ALKBH4: variants seen among roughly 807,000 people sequenced by gnomAD.
ALKBH4 encodes alpha-ketoglutarate-dependent dioxygenase alkB homolog 4.
Under a neutral mutation model 12.1 loss-of-function variants are expected in ALKBH4, and 8 were observed. The ratio of observed to expected loss-of-function variants is 0.66; its 90% confidence interval spans 0.39 to 1.19. ALKBH4 has a LOEUF of 1.19. Among genes scored for constraint, ALKBH4 ranks in the 50% most tolerant of loss-of-function variants. The probability of loss-of-function intolerance (pLI) is 0.01; values close to 1 mark genes in which losing one functional copy is unlikely to be tolerated. For missense variants in ALKBH4, 403 were observed against 430.4 expected, an observed-to-expected ratio of 0.94 and a Z score of 0.56; for synonymous variants, 195 against 191.6, an observed-to-expected ratio of 1.02 and a Z score of -0.15.
intron 1 of ALKBH4, among the ~76,000 whole-genome samples, chr7:102,460,155 A>G (rs2133253235): frequency 6.6e-6 from 1 of 151,612 alleles, no homozygotes; most frequent in South Asian, 2.1e-4. Flanking sequence ...CTCAAAAAAA[A>G]AAAAAAAGTT....
Position 102,457,170 on chromosome 7 carries a change from C to T in ALKBH4, c.*224G>A. The T allele has an allele frequency of 3.7e-6, 2 of 541,142 alleles. No homozygotes were observed. Among genetic ancestry groups the T allele is most frequent in the Admixed American group, 3.2e-5 (1 of 30,890 alleles). 33.5% of individuals were successfully genotyped at this position (541,142 alleles called of 1,614,324 possible). A position where few individuals can be genotyped will look rare whatever the true frequency, so the allele number is the denominator to read the frequency against. Reference sequence around the variant, plus strand: ...CTCAAATGATCCCATGTCCCCAAGACTGTGACAAACTAAATAACCAAAAAA... The same window carrying T: ...CTCAAATGATCCCATGTCCCCAAGATTGTGACAAACTAAATAACCAAAAAA... On this transcript the variant is annotated 3_prime_UTR_variant, in exon 3 of 3. Coordinates refer to ENST00000292566, the MANE Select transcript of ALKBH4 (RefSeq NM_017621.4). This position sits in a 1 kb window ranked among gnomAD's most constrained non-coding sequence, Gnocchi z 5.9.
intron 2 of ALKBH4, 159 bp downstream of exon 2, chr7:102,459,445 G>A: frequency 1.2e-6 from 1 of 836,504 alleles, no homozygotes; most frequent in East Asian, 2.6e-5. Flanking sequence ...ACGTCCTGCA[G>A]CGAGTCTGGC....
rs1213668449 is a variant in ALKBH4 at position 102,459,753 on chromosome 7, T to C, written c.172A>G (p.Thr58Ala). The change falls in exon 2 of 3, where the codon ACA becomes GCA. Residue 58 changes from threonine (T) to alanine (A), a missense_variant. Transcript: ENST00000292566. The stretch of plus-strand genomic sequence containing the variant: ...CAGCCCTCAAAGTCAGACTCCTCTG[T>C]GCCCACGGCCCAGCCGGTGTCGGAG... ...YCSDTGWAVGTEESDFEGWAF... is the reference protein window; with the variant it reads ...YCSDTGWAVGAEESDFEGWAF... The C allele has an allele frequency of 1.2e-6, 2 of 1,613,378 alleles. No individual in the cohort carries two copies. The highest frequency in any genetic ancestry group is 3.3e-5 in the Admixed American group (2 of 59,734).
At chr7:102,458,837 A>C (rs1440950953) in intron 2 of ALKBH4, among the ~76,000 whole-genome samples, 1 of 152,068 alleles carries the variant, frequency 6.6e-6, no homozygotes, top group Non-Finnish European at 1.5e-5. Flanking sequence ...GAAATGTACC[A>C]ACATCCAACA....
rs1586728037 is a variant in ALKBH4 at position 102,457,733 on chromosome 7, C to CA, written c.569dup (p.Leu191AlafsTer86). ...CGGGCGCCTCCCGACACATGGACAGCACGGTGGGGGACAGGAGGTTGAGGC... is the reference window on the plus strand; with the variant it reads ...CGGGCGCCTCCCGACACATGGACAGCAACGGTGGGGGACAGGAGGTTGAGGC... On this transcript the variant is annotated frameshift_variant, in exon 3 of 3. Transcript: ENST00000292566. LOFTEE classifies it low-confidence loss of function (END_TRUNC). The surrounding 1 kb of genome is among the most constrained non-coding windows in gnomAD (Gnocchi z 5.9). 1.3e-6 allele frequency: 2 copies of CA among 1,571,918 alleles called. No homozygotes were observed. Among genetic ancestry groups the CA allele is most frequent in the Non-Finnish European group, 1.7e-6 (2 of 1,162,320 alleles).
At position 102,464,795 on chromosome 7, in the gene ALKBH4, T is replaced by A. The variant is rs1295159092; in HGVS notation, c.42A>T (p.Glu14Asp). The change falls in exon 1 of 3, where the codon GAA becomes GAT. Residue 14 changes from glutamate to aspartate, a missense_variant. By Grantham distance (45) the Glu-to-Asp change is conservative. Coordinates refer to ENST00000292566, the MANE Select transcript of ALKBH4 (RefSeq NM_017621.4). ...AAAETPEVLR[E>D]CGCKGIRTCL... The stretch of plus-strand genomic sequence containing the variant: ...AGGTCCGGATGCCCTTGCAACCGCA[T>A]TCCCGAAGGACTTCGGGGGTCTCGG... The A allele has an allele frequency of 6.4e-7, 1 of 1,566,016 alleles. No homozygotes were observed. Among genetic ancestry groups the A allele is most frequent in the Admixed American group, 1.9e-5 (1 of 53,118 alleles).
intron 1 of ALKBH4, among the ~76,000 whole-genome samples, chr7:102,463,317 C>T (rs1356446713): frequency 1.6e-5 from 2 of 126,978 alleles, no homozygotes; most frequent in Non-Finnish European, 1.6e-5. Context: ...TGGATCAAGT[C>T]ATCTCTTTTT....
chr7:102,463,899 C>T (rs1184969215), intron 1 of ALKBH4, among the ~76,000 whole-genome samples: 1 of 152,238 alleles, frequency 6.6e-6, no homozygotes, highest in East Asian at 1.9e-4. Context: ...TTCATATCTG[C>T]CCGTTCCCTT....
rs764690484 is a variant in ALKBH4 at position 102,464,851 on chromosome 7, G to T, written c.-15C>A. The T allele has an allele frequency of 1.8e-5, 27 of 1,497,128 alleles. No homozygotes were observed. Among genetic ancestry groups the T allele is most frequent in the Admixed American group, 2.5e-5 (1 of 40,642 alleles). The allele number at this position is 1,497,128 out of a possible 1,614,324, so 92.7% of individuals were successfully genotyped here. ...GCCGCCGCCATCGCGCCGTCCGCGT[G>T]GCCAGTGCGCAGGCGCGGCCGTGGG... On this transcript the variant is annotated 5_prime_UTR_variant, in exon 1 of 3. Coordinates refer to ENST00000292566, the MANE Select transcript of ALKBH4 (RefSeq NM_017621.4).
In ALKBH4 at chr7:102,457,360, C is replaced by T. The variant is rs776027560; in HGVS notation, c.*34G>A. 37 of 1,578,058 alleles carry T rather than the reference C, an allele frequency of 2.3e-5. No homozygotes were observed. The highest frequency in any genetic ancestry group is 1.8e-4 in the South Asian group (16 of 86,672). On this transcript the variant is annotated 3_prime_UTR_variant, in exon 3 of 3. Coordinates refer to ENST00000292566, the MANE Select transcript of ALKBH4 (RefSeq NM_017621.4). This position sits in a 1 kb window ranked among gnomAD's most constrained non-coding sequence, Gnocchi z 5.9. The stretch of plus-strand genomic sequence containing the variant: ...TGTTCTGTGCTCCTCATTTCAATCC[C>T]GGGATCAGTCAAGTCTGGAGCCAAG...
At chr7:102,463,381 G>T (rs1262983485) in intron 1 of ALKBH4, among the ~76,000 whole-genome samples, 1 of 134,156 alleles carries the variant, frequency 7.5e-6, no homozygotes, top group Non-Finnish European at 1.5e-5. Flanking sequence ...CTGAGCTGGA[G>T]TGCAGTGGTG....
At chr7:102,458,005 C>T (rs769302892) in intron 2 of ALKBH4, 24 bp from the exon 3 acceptor site, 4 of 1,567,966 alleles carry the variant, frequency 2.6e-6, no homozygotes, top group Non-Finnish European at 3.5e-6. Flanking sequence ...ACAAAGAGGA[C>T]ATGAGGTGTC....
chr7:102,459,926 G>A (rs1042413607), intron 1 of ALKBH4, 125 bp from the exon 2 acceptor site: 19 of 820,502 alleles, frequency 2.3e-5, no homozygotes, highest in Non-Finnish European at 3.3e-5. Flanking sequence ...GGCCGAGGTG[G>A]GTGGATCACC....
chr7:102,464,697 C>A lies in ALKBH4; in HGVS notation c.123+17G>T. ...CAGAGCGACGTTTGTGGGCGCGGCC[C>A]CTCTCCCACCCCTTACCGCTGGGGG... On this transcript the variant is annotated intron_variant, in intron 1 of 2. Coordinates refer to ENST00000292566, the MANE Select transcript of ALKBH4 (RefSeq NM_017621.4). 1 of 1,504,030 alleles carries A rather than the reference C, an allele frequency of 6.6e-7. No individual in the cohort carries two copies. The highest frequency in any genetic ancestry group is 1.3e-5 in the South Asian group (1 of 79,142). The allele number at this position is 1,504,030 out of a possible 1,614,324, so 93.2% of individuals were successfully genotyped here.
intron 1 of ALKBH4, among the ~76,000 whole-genome samples, chr7:102,460,219 G>A (rs1422425997): frequency 2.6e-5 from 4 of 151,764 alleles, no homozygotes; most frequent in Non-Finnish European, 5.9e-5. Context: ...CAGCTACTCA[G>A]GAGGCTGAGG....
chr7:102,464,746 C>G lies in ALKBH4; in HGVS notation c.91G>C (p.Gly31Arg). 1.3e-6 allele frequency: 2 copies of G among 1,570,184 alleles called. No individual in the cohort carries two copies. Among genetic ancestry groups the G allele is most frequent in the Non-Finnish European group, 1.7e-6 (2 of 1,161,236 alleles). Residue 31 changes from glycine to arginine, a missense_variant, in exon 1 of 3, where the codon GGC becomes CGC. Physicochemically the swap from Gly to Arg is moderately radical, Grantham distance 125. Transcript: ENST00000292566. ...RTCLICERQR[G>R]SDPPWELPPA... is the part of the protein sequence containing the mutation. ...GGCAGCTCCCAGGGCGGGTCACTGC[C>G]GCGCTGCCGCTCGCAGATCAGACAG...
chr7:102,458,111 CAGG>C (rs1355610519), intron 2 of ALKBH4, 130 bp from the exon 3 acceptor site: 10 of 861,358 alleles, frequency 1.2e-5, no homozygotes, highest in Non-Finnish European at 1.7e-5. Flanking sequence ...GGAGGTGAAG[CAGG>C]AGGAGGCAGA....
rs773361580 is a variant in ALKBH4, at chr7:102,457,496, A to G, written c.807T>C (p.Thr269=). 1.2e-6 allele frequency: 2 copies of G among 1,613,442 alleles called. No individual in the cohort carries two copies. The highest frequency in any genetic ancestry group is 1.7e-6 in the Non-Finnish European group (2 of 1,180,012). ...CAAACTCAGCCGACAGCTCCCGGAA[A>G]GTGACGCAGACGCGGCGGGCCTCGA... ...RHIEARRVCV[T]FRELSAEFGP... The change falls in exon 3 of 3, where the codon ACT becomes ACC. Residue 269 remains threonine (T), a synonymous_variant. Coordinates refer to ENST00000292566, the MANE Select transcript of ALKBH4 (RefSeq NM_017621.4). The surrounding 1 kb of genome is among the most constrained non-coding windows in gnomAD (Gnocchi z 5.9).
Position 102,457,772 on chromosome 7 carries a change from C to T in ALKBH4, c.531G>A (p.Gly177=). ...GGAGGTTGAGGCTGACCAGCCGCTC[C>T]CCCCACAGCCAGGCGTCGTCCAGGT... is the stretch of plus-strand genomic sequence containing the variant. ...DPHLDDAWLW[G]ERLVSLNLLS... Residue 177 remains glycine (G), a synonymous_variant, in exon 3 of 3, where the codon GGG becomes GGA. Transcript: ENST00000292566. The surrounding 1 kb of genome is among the most constrained non-coding windows in gnomAD (Gnocchi z 5.9). 1 of 1,595,830 alleles carries T rather than the reference C, an allele frequency of 6.3e-7. No individual in the cohort carries two copies. The highest frequency in any genetic ancestry group is 1.1e-5 in the South Asian group (1 of 90,462).
Sources: gnomAD v4.1 joint callset for allele counts (sites outside exome capture counted in the v4.1 genomes callset) on GRCh38, gnomAD v4.1.1 for gene constraint, Gnocchi (gnomAD v3.1) non-coding constraint, MANE v1.5 for transcripts, NCBI Gene and HGNC (gene_info 2026-07-23, HGNC 2026-07-21) for gene names.